The following ST7L variants were observed in gnomAD, a reference collection of about 807,000 sequenced individuals.
ST7L encodes the protein suppression of tumorigenicity 7 like, also known as suppressor of tumorigenicity 7 protein-like.
In ST7L, 57 loss-of-function variants were observed where a neutral mutation model predicts 72.5. That is an observed-to-expected ratio of 0.79 (90% confidence interval 0.64 to 0.98). The LOEUF (loss-of-function observed/expected upper bound fraction) is 0.98, where lower values mean the gene tolerates loss of function less well. Among genes scored for constraint, ST7L ranks in the 50% least tolerant of loss-of-function variants. The probability of loss-of-function intolerance (pLI) is 0.00; values close to 1 mark genes in which losing one functional copy is unlikely to be tolerated. For synonymous variants in ST7L, 221 were observed against 240.9 expected (o/e 0.92, Z 0.77); for missense variants, 576 against 672.2 (o/e 0.86, Z 1.58).
chr1:112,546,334 AAAGAG>A (rs996597399), intron 13 of ST7L, among the ~76,000 whole-genome samples: 3 of 151,692 alleles, frequency 2.0e-5, no homozygotes, highest in Non-Finnish European at 2.9e-5. Context: ...AAAAAAAAAA[AAAGAG>A]AGAAAAGAAA....
downstream of ST7L, chr1:112,521,907 C>T (rs149187988): frequency 6.6e-6 from 1 of 152,204 alleles, no homozygotes; most frequent in Non-Finnish European, 1.5e-5. Flanking sequence ...GCGGTTATGA[C>T]AGACCCGGGT....
intron 2 of ST7L, among the ~76,000 whole-genome samples, chr1:112,611,458 T>C (rs6537745): frequency 0.3 from 45,487 of 152,078 alleles, 7,552 homozygotes; most frequent in African/African-American, 0.43. Context: ...AATCTCTTAA[T>C]ATCTCAGAGC....
intron 3 of ST7L, among the ~76,000 whole-genome samples, chr1:112,608,583 T>C (rs7522288): frequency 0.66 from 101,105 of 152,158 alleles, 35,766 homozygotes; most frequent in African/African-American, 0.91. Flanking sequence ...TAATGGCATA[T>C]TCAGTCTTAC....
chr1:112,588,606 T>A (rs147860434), intron 6 of ST7L, among the ~76,000 whole-genome samples: 10 of 152,342 alleles, frequency 6.6e-5, no homozygotes, highest in South Asian at 4.1e-4. Context: ...TTTATCATGA[T>A]GGGGAACTCT....
chr1:112,594,052 C>T (rs985684878), intron 5 of ST7L, among the ~76,000 whole-genome samples: 3 of 152,026 alleles, frequency 2.0e-5, no homozygotes, highest in Non-Finnish European at 4.4e-5. Flanking sequence ...AAATGGAATA[C>T]ATGGTTTTAA....
rs5777128 is a variant in ST7L, at chr1:112,568,712, C to CAA, written c.1245+8272_1245+8273dup. ...AATTTAAAAAACAAAAAAACAACAA[C>CAA]AAAAAAACAAATTTAGGCCAGGCAC... On this transcript the variant is annotated intron_variant, in intron 11 of 14. Coordinates refer to ENST00000358039, the MANE Select transcript of ST7L (RefSeq NM_017744.5). Among the ~76,000 whole-genome samples, 367 of 148,770 alleles carry CAA rather than the reference C, an allele frequency of 2.5e-3. 3 individuals are homozygous for CAA. The highest frequency in any genetic ancestry group is 4.1e-3 in the African/African-American group (168 of 40,738).
chr1:112,553,722 G>A (rs1658636171), intron 12 of ST7L, among the ~76,000 whole-genome samples: 1 of 152,082 alleles, frequency 6.6e-6, no homozygotes, highest in Admixed American at 6.5e-5. Context: ...TGATTTTTGT[G>A]TGGTACTTCT....
intron 11 of ST7L, among the ~76,000 whole-genome samples, chr1:112,570,545 G>GTATATA (rs71584748): frequency 0.035 from 4,588 of 130,690 alleles, 105 homozygotes; most frequent in East Asian, 0.078. Context: ...AATAAAAGAT[G>GTATATA]TATATATATA....
intron 6 of ST7L, 66 bp downstream of exon 6, chr1:112,591,459 G>A: frequency 7.5e-7 from 1 of 1,341,290 alleles, no homozygotes; most frequent in Non-Finnish European, 1.1e-6. Context: ...AGACAAAGGA[G>A]ACATAAAAAT....
chr1:112,585,593 C>T (rs1324622068), intron 6 of ST7L, among the ~76,000 whole-genome samples: 4 of 152,030 alleles, frequency 2.6e-5, no homozygotes, highest in Non-Finnish European at 2.9e-5. Flanking sequence ...ATTAGCTGGG[C>T]GCAGTGGCGG....
At chr1:112,597,907 C>T in intron 5 of ST7L, 64 bp downstream of exon 5, 1 of 1,241,304 alleles carries the variant, frequency 8.1e-7, no homozygotes, top group South Asian at 1.6e-5. Context: ...ATAAATAACT[C>T]TAAAGAACTT....
downstream of ST7L, chr1:112,522,332 C>T (rs558738816): frequency 6.6e-6 from 1 of 152,290 alleles, no homozygotes; most frequent in Non-Finnish European, 1.5e-5. Flanking sequence ...GCCCAGCTGT[C>T]AGACGCTGAG....
chr1:112,605,950 T>C (rs570251007), intron 3 of ST7L, among the ~76,000 whole-genome samples: 1 of 152,344 alleles, frequency 6.6e-6, no homozygotes, highest in Admixed American at 6.5e-5. Flanking sequence ...TTGAAGTCAA[T>C]ACATGTTGAC....
At chr1:112,618,388 C>A in intron 1 of ST7L, 1 of 430,952 alleles carries the variant, frequency 2.3e-6, no homozygotes, top group Non-Finnish European at 3.1e-6. Flanking sequence ...ACAGACAAAA[C>A]TATCACGAAA....
At chr1:112,541,732 A>G in intron 14 of ST7L, 1 of 1,175,116 alleles carries the variant, frequency 8.5e-7, no homozygotes, top group Non-Finnish European at 1.1e-6. Flanking sequence ...TATTGTTACA[A>G]TCTTATATTG....
intron 12 of ST7L, among the ~76,000 whole-genome samples, chr1:112,554,974 A>C (rs559113347): frequency 6.6e-6 from 1 of 152,318 alleles, no homozygotes; most frequent in African/African-American, 2.4e-5. Flanking sequence ...CAAGGGCTAG[A>C]GGGAGGCAAG....
chr1:112,612,894 G>A (rs1355345743), intron 2 of ST7L, among the ~76,000 whole-genome samples: 1 of 152,052 alleles, frequency 6.6e-6, no homozygotes, highest in East Asian at 1.9e-4. Context: ...GAGGTGGGAG[G>A]ATCACTTGAG....
chr1:112,525,793 AAAGG>A lies in ST7L; in HGVS notation c.*216_*219del. 3.7e-6 allele frequency: 2 copies of A among 544,710 alleles called. No homozygotes were observed. The highest frequency in any genetic ancestry group is 6.9e-5 in the South Asian group (2 of 28,874). 33.7% of individuals were successfully genotyped at this position (544,710 alleles called of 1,614,324 possible). A position where few individuals can be genotyped will look rare whatever the true frequency, so the allele number is the denominator to read the frequency against. On this transcript the variant is annotated 3_prime_UTR_variant, in exon 15 of 15. Transcript: ENST00000358039. ...AGAAAGGCTAAGCTGAATGAAGAAA[AAAGG>A]AAGACAATTTCATCTACAGTTGTCC...
chr1:112,582,148 G>A, intron 8 of ST7L, 42 bp from the exon 9 acceptor site: 2 of 1,432,248 alleles, frequency 1.4e-6, no homozygotes, highest in Admixed American at 3.4e-5. Flanking sequence ...TCATAACAAA[G>A]GAACTCAATA....
Sources: gnomAD v4.1 joint callset for allele counts (sites outside exome capture counted in the v4.1 genomes callset) on GRCh38, gnomAD v4.1.1 for gene constraint, MANE v1.5 for transcripts, NCBI Gene and HGNC (gene_info 2026-07-23, HGNC 2026-07-21) for gene names.